Variants in MYH14 observed in about 807,000 individuals in gnomAD.
The protein encoded by MYH14 is myosin heavy chain 14.
MYH14 carries 123 observed loss-of-function variants against 255.5 expected under a neutral mutation model. That is an observed-to-expected ratio of 0.48 (90% confidence interval 0.42 to 0.56). The LOEUF is 0.56. Among genes scored for constraint, MYH14 ranks in the 20% least tolerant of loss-of-function variants. The pLI is 0.00. For synonymous variants in MYH14, 1,095 were observed against 1,161.2 expected (o/e 0.94, Z 1.16); for missense variants, 2,423 against 2,802.3 (o/e 0.86, Z 3.06).
chr19:50,304,899 C>A (rs1375659277), intron 40 of MYH14, among the ~76,000 whole-genome samples: 1 of 152,076 alleles, frequency 6.6e-6, no homozygotes, highest in Admixed American at 6.6e-5. Flanking sequence ...AGTCCCAAGT[C>A]AGTTGGCAGC....
At chr19:50,233,170 C>G (rs980050301) in intron 10 of MYH14, among the ~76,000 whole-genome samples, 2 of 151,702 alleles carry the variant, frequency 1.3e-5, no homozygotes, top group African/African-American at 4.8e-5. Flanking sequence ...TGCCCACCCC[C>G]ACTTTTTTTT....
At chr19:50,277,024 G>T (rs997417681) in intron 29 of MYH14, 123 bp downstream of exon 29, 4 of 661,954 alleles carry the variant, frequency 6.0e-6, no homozygotes, top group African/African-American at 3.6e-5. Flanking sequence ...CTTTCCTCAC[G>T]CATTCATGTG....
At chr19:50,272,330 G>A (rs1421456693) in intron 26 of MYH14, among the ~76,000 whole-genome samples, 1 of 152,082 alleles carries the variant, frequency 6.6e-6, no homozygotes, top group African/African-American at 2.4e-5. Flanking sequence ...GAGAGAGTCA[G>A]AGGGTGGAGG....
At chr19:50,304,843 A>G (rs1404783779) in intron 40 of MYH14, among the ~76,000 whole-genome samples, 1 of 152,114 alleles carries the variant, frequency 6.6e-6, no homozygotes, top group African/African-American at 2.4e-5. Context: ...CTAGAGGAGG[A>G]GGCACTTGAG....
intron 13 of MYH14, chr19:50,249,355 C>T (rs1160406477): frequency 9.2e-6 from 6 of 652,572 alleles, no homozygotes; most frequent in African/African-American, 1.9e-5. Flanking sequence ...TCTCTGTCCC[C>T]TGTCTCTGGG....
intron 39 of MYH14, among the ~76,000 whole-genome samples, chr19:50,300,068 C>G (rs2036428872): frequency 1.3e-5 from 2 of 152,012 alleles, no homozygotes; most frequent in Admixed American, 6.6e-5. Context: ...TAAAGACATA[C>G]AAGGAAATGA....
At chr19:50,233,764 C>T (rs951238477) in intron 10 of MYH14, among the ~76,000 whole-genome samples, 3 of 151,786 alleles carry the variant, frequency 2.0e-5, no homozygotes, top group African/African-American at 7.3e-5. Flanking sequence ...GTTCACATGG[C>T]GGCTCCCTGT....
At chr19:50,294,070 G>A (rs1477500238) in intron 39 of MYH14, among the ~76,000 whole-genome samples, 1 of 152,154 alleles carries the variant, frequency 6.6e-6, no homozygotes, top group African/African-American at 2.4e-5. Context: ...GTTTTCCTTT[G>A]CATATTTATT....
In MYH14 at chr19:50,293,383, G is replaced by A; in HGVS notation, c.5345+62G>A. Reference sequence around the variant, plus strand: ...GTCTGCAGGAGGTGAAGCTGGGGTAGGCTGGAGGTGGCTGGGCTCTGGGAC... The same window carrying A: ...GTCTGCAGGAGGTGAAGCTGGGGTAAGCTGGAGGTGGCTGGGCTCTGGGAC... On this transcript the variant is annotated intron_variant, in intron 38 of 42. Coordinates refer to ENST00000642316, the MANE Select transcript of MYH14 (RefSeq NM_001145809.2). The surrounding 1 kb of genome is among the most constrained non-coding windows in gnomAD (Gnocchi z 4.1). The A allele has an allele frequency of 6.6e-7, 1 of 1,522,080 alleles. No individual in the cohort carries two copies. Among genetic ancestry groups the A allele is most frequent in the Non-Finnish European group, 9.0e-7 (1 of 1,116,498 alleles). 94.3% of individuals were successfully genotyped at this position (1,522,080 alleles called of 1,614,324 possible).
intron 20 of MYH14, 112 bp downstream of exon 20, chr19:50,260,827 G>GTC: frequency 1.3e-6 from 1 of 786,054 alleles, no homozygotes; most frequent in Non-Finnish European, 2.2e-6. Context: ...GTGCAAGTGT[G>GTC]TGTGCATGCA....
chr19:50,253,863 A>G (rs570142952), intron 16 of MYH14, among the ~76,000 whole-genome samples: 74 of 152,330 alleles, frequency 4.9e-4, no homozygotes, highest in African/African-American at 1.7e-3. Context: ...AGTTTGCCTT[A>G]ATCTTTTATT....
intron 21 of MYH14, among the ~76,000 whole-genome samples, chr19:50,261,972 G>C (rs753478073): frequency 6.6e-6 from 1 of 152,162 alleles, no homozygotes; most frequent in African/African-American, 2.4e-5. Context: ...CAAGCTGTCC[G>C]CTCTCCCTGG....
chr19:50,295,910 A>C (rs1425069496), intron 39 of MYH14, among the ~76,000 whole-genome samples: 2 of 152,024 alleles, frequency 1.3e-5, no homozygotes, highest in African/African-American at 4.8e-5. Context: ...CAGGAGTTCA[A>C]GACCAGCCTG....
chr19:50,227,904 G>A (rs2033186837), intron 8 of MYH14, among the ~76,000 whole-genome samples: 1 of 152,158 alleles, frequency 6.6e-6, no homozygotes, highest in South Asian at 2.1e-4. Context: ...CCCAAGAGGG[G>A]TTTGGAGGAT....
chr19:50,261,130 CATCACCCCCTCTCCCCA>C (rs1439511934), intron 20 of MYH14, among the ~76,000 whole-genome samples: 1 of 78,018 alleles, frequency 1.3e-5, no homozygotes, highest in African/African-American at 5.4e-5. Flanking sequence ...CCCCCTCCCC[CATCACCCCCTCTCCCCA>C]ATCACCACCC....
intron 2 of MYH14, among the ~76,000 whole-genome samples, chr19:50,215,901 T>C (rs2032449185): frequency 6.6e-6 from 1 of 152,242 alleles, no homozygotes; most frequent in Non-Finnish European, 1.5e-5. Flanking sequence ...TAGGTTACCC[T>C]ACTTTATCAC....
intron 2 of MYH14, among the ~76,000 whole-genome samples, chr19:50,216,986 C>T (rs80031307): frequency 0.53 from 79,879 of 151,210 alleles, 22,827 homozygotes; most frequent in Non-Finnish European, 0.64. Flanking sequence ...TTTTTTTGTA[C>T]TTTTAGTAGA....
At chr19:50,208,285 T>G (rs1197446762) in intron 1 of MYH14, among the ~76,000 whole-genome samples, 2 of 152,042 alleles carry the variant, frequency 1.3e-5, no homozygotes, top group Non-Finnish European at 2.9e-5. Flanking sequence ...CATAGAGGCA[T>G]GCGCCTGTAA....
rs1346705338 is a variant in MYH14, at chr19:50,223,280, C to G, written c.624C>G (p.Thr208=). 6.2e-7 allele frequency: 1 copy of G among 1,610,008 alleles called. No homozygotes were observed. The highest frequency in any genetic ancestry group is 8.5e-7 in the Non-Finnish European group (1 of 1,178,000). ...CTGGAGCTGGGAAGACGGAAAACAC[C>G]AAGAAGGTCATCCAGTACCTCGCCC... ...GESGAGKTEN[T]KKVIQYLAHV... Residue 208 remains threonine, a synonymous_variant, in exon 5 of 43, where the codon ACC becomes ACG. Transcript: ENST00000642316.
Sources: allele counts gnomAD v4.1 joint callset (sites outside exome capture counted in the v4.1 genomes callset), GRCh38; gene constraint gnomAD v4.1.1; non-coding constraint Gnocchi (gnomAD v3.1); transcripts MANE v1.5; gene names NCBI Gene and HGNC (gene_info 2026-07-23, HGNC 2026-07-21).